The following HECW1 variants were observed in gnomAD, a reference collection of about 807,000 sequenced individuals.
The protein encoded by HECW1 is HECT, C2 and WW domain containing E3 ubiquitin protein ligase 1, also known as E3 ubiquitin-protein ligase HECW1.
A neutral mutation model predicts 182.3 loss-of-function variants in HECW1; 61 were observed. That is an observed-to-expected ratio of 0.33 (90% CI 0.27 to 0.41). The LOEUF is 0.41. Among genes scored for constraint, HECW1 ranks in the 10% least tolerant of loss-of-function variants. The pLI, the probability that HECW1 is intolerant of heterozygous loss-of-function variation, is 1.00. For missense variants in HECW1, 1,739 were observed against 2,108.9 expected (o/e 0.82, Z 3.44); for synonymous variants, 859 against 832.6 (o/e 1.03, Z -0.55).
At chr7:43,209,611 T>C (rs1416539991) in intron 2 of HECW1, among the ~76,000 whole-genome samples, 1 of 152,092 alleles carries the variant, frequency 6.6e-6, no homozygotes, top group East Asian at 1.9e-4. Flanking sequence ...AAAGTTTCAG[T>C]TGGAGAGTGA....
intron 19 of HECW1, 46 bp downstream of exon 19, chr7:43,493,226 AT>A (rs1457535676): frequency 7.6e-6 from 10 of 1,324,338 alleles, no homozygotes; most frequent in South Asian, 1.2e-5. Flanking sequence ...CTTTCCAGCC[AT>A]TTTTCCCGGT....
intron 2 of HECW1, among the ~76,000 whole-genome samples, chr7:43,146,463 G>T (rs575053624): frequency 1.3e-5 from 2 of 152,308 alleles, no homozygotes; most frequent in South Asian, 4.1e-4. Context: ...TGGTTATAAG[G>T]CAGTATATAA....
At chr7:43,349,491 A>G (rs1298732891) in intron 5 of HECW1, among the ~76,000 whole-genome samples, 1 of 152,186 alleles carries the variant, frequency 6.6e-6, no homozygotes, top group Admixed American at 6.5e-5. Flanking sequence ...TGCTGTCTAT[A>G]TCATTTCTTA....
At chr7:43,273,776 G>A (rs1379712208) in intron 3 of HECW1, among the ~76,000 whole-genome samples, 2 of 151,694 alleles carry the variant, frequency 1.3e-5, no homozygotes, top group Admixed American at 6.6e-5. Context: ...GCAAATATTG[G>A]GAAATTGTGT....
intron 4 of HECW1, among the ~76,000 whole-genome samples, chr7:43,314,651 CA>C (rs1808958197): frequency 6.6e-6 from 1 of 152,186 alleles, no homozygotes; most frequent in South Asian, 2.1e-4. Context: ...CTTAATTTGA[CA>C]GTTTGTTATT....
At chr7:43,190,724 T>A (rs1446260912) in intron 2 of HECW1, among the ~76,000 whole-genome samples, 1 of 152,214 alleles carries the variant, frequency 6.6e-6, no homozygotes, top group Non-Finnish European at 1.5e-5. Context: ...AAAACCCATC[T>A]GCACACAGAC....
chr7:43,529,114 C>A (rs2080877948), intron 24 of HECW1, among the ~76,000 whole-genome samples: 1 of 152,122 alleles, frequency 6.6e-6, no homozygotes, highest in Non-Finnish European at 1.5e-5. Flanking sequence ...CTCATTATCA[C>A]CCAGAACTGT....
At chr7:43,159,606 C>T (rs999105426) in intron 2 of HECW1, among the ~76,000 whole-genome samples, 11 of 151,488 alleles carry the variant, frequency 7.3e-5, no homozygotes, top group Non-Finnish European at 1.6e-4. Flanking sequence ...ATTTACAATT[C>T]TACTAACACA....
intron 6 of HECW1, among the ~76,000 whole-genome samples, chr7:43,382,336 T>A (rs1383230879): frequency 6.6e-6 from 1 of 151,428 alleles, no homozygotes; most frequent in Non-Finnish European, 1.5e-5. Flanking sequence ...CTGTGGAAAG[T>A]GTGTCTGAGG....
intron 16 of HECW1, among the ~76,000 whole-genome samples, chr7:43,474,562 A>G (rs1374058789): frequency 6.6e-6 from 1 of 152,212 alleles, no homozygotes; most frequent in African/African-American, 2.4e-5. Context: ...GAGCCAAATA[A>G]TAACATTATA....
chr7:43,511,202 C>T (rs780541372), intron 24 of HECW1: 7 of 152,154 alleles, frequency 4.6e-5, no homozygotes, highest in African/African-American at 1.4e-4. Flanking sequence ...GACTTGGCCC[C>T]GCACTAAGCA....
chr7:43,277,059 C>A lies in HECW1; in HGVS notation c.27+33127C>A, dbSNP rs190647084. On this transcript the variant is annotated intron_variant, in intron 3 of 29. Coordinates refer to ENST00000395891, the MANE Select transcript of HECW1 (RefSeq NM_015052.5). The stretch of plus-strand genomic sequence containing the variant: ...AGGATGCTCAGGGCTCTTTGGTCTC[C>A]TCCTTTCTCTAGTCCTCCTCTTCTT... Among the ~76,000 whole-genome samples the A allele has an allele frequency of 3.3e-5, 5 of 152,296 alleles. No individual in the cohort carries two copies. The East Asian group carries it at 9.6e-4, about 29-fold the overall frequency.
chr7:43,201,909 G>A (rs1297665693), intron 2 of HECW1, among the ~76,000 whole-genome samples: 1 of 152,216 alleles, frequency 6.6e-6, no homozygotes, highest in Non-Finnish European at 1.5e-5. Context: ...GTTCATGTGA[G>A]AGAAGTATGA....
At chr7:43,153,166 A>G (rs749908123) in intron 2 of HECW1, among the ~76,000 whole-genome samples, 35 of 150,708 alleles carry the variant, frequency 2.3e-4, no homozygotes, top group Non-Finnish European at 3.8e-4. Flanking sequence ...TGGTCTTTGC[A>G]TTTTTTTTTA....
intron 11 of HECW1, among the ~76,000 whole-genome samples, chr7:43,446,608 C>A (rs1478220510): frequency 2.0e-5 from 3 of 150,598 alleles, no homozygotes; most frequent in African/African-American, 7.3e-5. Flanking sequence ...CCTAAACAAA[C>A]CCCTGGTGCC....
intron 5 of HECW1, among the ~76,000 whole-genome samples, chr7:43,351,281 A>G (rs925716538): frequency 1.3e-5 from 2 of 152,102 alleles, no homozygotes; most frequent in African/African-American, 4.8e-5. Context: ...AGAGGGTGCA[A>G]TGGACTCCAT....
intron 2 of HECW1, among the ~76,000 whole-genome samples, chr7:43,122,311 G>A (rs1386596017): frequency 2.6e-5 from 4 of 152,168 alleles, no homozygotes; most frequent in African/African-American, 7.2e-5. Context: ...AGACCGGAGC[G>A]AGAATTGTCC....
intron 8 of HECW1, among the ~76,000 whole-genome samples, chr7:43,422,721 T>C (rs2076226687): frequency 2.0e-5 from 3 of 152,164 alleles, no homozygotes; most frequent in Non-Finnish European, 2.9e-5. Flanking sequence ...TATATACTGG[T>C]AGATTGTTTA....
rs76783388 is a variant in HECW1, at chr7:43,384,809, C to T, written c.556-12005C>T. Among the ~76,000 whole-genome samples, 619 of 152,258 alleles carry T rather than the reference C, an allele frequency of 4.1e-3. 3 individuals are homozygous for T. The highest frequency in any genetic ancestry group is 0.014 in the African/African-American group (592 of 41,540). On this transcript the variant is annotated intron_variant, in intron 6 of 29. Transcript: ENST00000395891. ...GAAAGAGCTCTATGCAAAATGCAGC[C>T]CTTGTCTTCACTAAGCAGACTGTCT...
Sources: allele counts gnomAD v4.1 joint callset (sites outside exome capture counted in the v4.1 genomes callset), GRCh38; gene constraint gnomAD v4.1.1; transcripts MANE v1.5; gene names NCBI Gene and HGNC (gene_info 2026-07-23, HGNC 2026-07-21).